Variants in ZNF81 observed in about 807,000 individuals in gnomAD.
The protein encoded by ZNF81 is zinc finger protein 81 (HFZ20).
ZNF81 carries 5 observed loss-of-function variants against 32.3 expected under a neutral mutation model. That is an observed-to-expected ratio of 0.15 (90% CI 0.08 to 0.33). The LOEUF (loss-of-function observed/expected upper bound fraction) is 0.33. Ranked by LOEUF, ZNF81 falls within the 10% of genes least tolerant of loss-of-function variation. ZNF81 has a pLI of 1.00. For missense variants in ZNF81, 379 were observed against 479.8 expected (o/e 0.79, Z 1.96); for synonymous variants, 163 against 166.8 (o/e 0.98, Z 0.17).
At chrX:47,893,690 T>C (rs782588234) in intron 3 of ZNF81, among the ~76,000 whole-genome samples, 39 of 109,167 alleles carry the variant, frequency 3.6e-4, no homozygotes, top group African/African-American at 1.2e-3. Context: ...AACTTTAACC[T>C]ACCTTCTAGC....
intron 2 of ZNF81, among the ~76,000 whole-genome samples, chrX:47,850,922 CACACACACACACAACCCA>C (rs2058493124): frequency 1.0e-5 from 1 of 99,887 alleles, no homozygotes; most frequent in Non-Finnish European, 2.0e-5. Flanking sequence ...CACACACACA[CACACACACACACAACCCA>C]ACACCCCTAT....
intron 2 of ZNF81, among the ~76,000 whole-genome samples, chrX:47,849,393 C>T (rs1449920866): frequency 9.0e-5 from 10 of 111,612 alleles, no homozygotes; most frequent in East Asian, 2.8e-4. Context: ...CACAGCTGGG[C>T]GCGGTGGCTC....
rs1266722600 is a variant in ZNF81 at position 47,925,256 on chromosome X, A to G, written c.*8624A>G. Among the ~76,000 whole-genome samples the G allele has an allele frequency of 4.5e-5, 5 of 111,683 alleles. No homozygotes were observed. Among genetic ancestry groups the G allele is most frequent in the Non-Finnish European group, 3.8e-5 (2 of 53,082 alleles). Reference sequence around the variant, plus strand: ...ACCATCATGACAATACAAATAATGAACATATCAATCACCCCAAAAAAGTTT... The same window carrying G: ...ACCATCATGACAATACAAATAATGAGCATATCAATCACCCCAAAAAAGTTT... On this transcript the variant is annotated 3_prime_UTR_variant, in exon 5 of 5. Coordinates refer to ENST00000338637, the MANE Select transcript of ZNF81 (RefSeq NM_007137.5).
chrX:47,888,220 C>T, intron 3 of ZNF81, 95 bp downstream of exon 3: 4 of 1,087,706 alleles, frequency 3.7e-6, no homozygotes, highest in Non-Finnish European at 5.0e-6. Context: ...ACCCCAGCCC[C>T]CCAGAATGTG....
At chrX:47,904,537 G>T (rs2058712790) in intron 4 of ZNF81, among the ~76,000 whole-genome samples, 1 of 109,100 alleles carries the variant, frequency 9.2e-6, no homozygotes, top group Admixed American at 9.8e-5. Flanking sequence ...CAGTTAGAAT[G>T]GCAATCATTA....
chrX:47,849,626 C>T (rs1272935596), intron 2 of ZNF81, among the ~76,000 whole-genome samples: 1 of 108,032 alleles, frequency 9.3e-6, no homozygotes, highest in East Asian at 2.9e-4. Flanking sequence ...GAGCTAAGAT[C>T]GCGCCACTGC....
chrX:47,854,822 G>A (rs1169678173), intron 2 of ZNF81, among the ~76,000 whole-genome samples: 4 of 111,858 alleles, frequency 3.6e-5, no homozygotes, highest in African/African-American at 6.5e-5. Context: ...TAGGCCGGGC[G>A]CGGCGGCTCA....
chrX:47,888,894 GATCCTTGTT>G (rs2058652665), intron 3 of ZNF81, among the ~76,000 whole-genome samples: 1 of 111,664 alleles, frequency 9.0e-6, no homozygotes, highest in Non-Finnish European at 1.9e-5. Context: ...GAAGAAAAGC[GATCCTTGTT>G]ATAAAGTACC....
intron 2 of ZNF81, chrX:47,861,093 G>C: frequency 8.9e-6 from 1 of 112,015 alleles, no homozygotes; most frequent in South Asian, 3.7e-4. Flanking sequence ...TATTGAACCC[G>C]AGGAGGAGTT....
rs1023644848 is a variant in ZNF81 at position 47,883,604 on chromosome X, C to G, written c.55-4395C>G. ...TTTTTCTATGATTTGTTTTCTATTT[C>G]TGTTCTTTAGTAATTCCTTTCTTTT... On this transcript the variant is annotated intron_variant, in intron 2 of 4. Coordinates refer to ENST00000338637, the MANE Select transcript of ZNF81 (RefSeq NM_007137.5). Among the ~76,000 whole-genome samples the G allele has an allele frequency of 2.7e-5, 3 of 112,044 alleles. No homozygotes were observed. The Admixed American group carries it at 2.8e-4, about 11-fold the overall frequency.
intron 2 of ZNF81, among the ~76,000 whole-genome samples, chrX:47,861,699 A>G (rs1166911672): frequency 1.8e-5 from 2 of 112,210 alleles, no homozygotes; most frequent in Non-Finnish European, 3.8e-5. Flanking sequence ...AGCTGAACAA[A>G]TCCCATAAAC....
chrX:47,910,589 G>A (rs1279720069), intron 4 of ZNF81, among the ~76,000 whole-genome samples: 1 of 112,118 alleles, frequency 8.9e-6, no homozygotes, highest in Non-Finnish European at 1.9e-5. Context: ...GGAAACAACA[G>A]GTGCTGGAGA....
chrX:47,841,303 A>G (rs1156238240), intron 1 of ZNF81: 15 of 632,878 alleles, frequency 2.4e-5, no homozygotes, highest in Middle Eastern at 4.6e-4. Flanking sequence ...ATAAGGTTCC[A>G]CTATATGCAG....
At chrX:47,893,454 T>C (rs1478022572) in intron 3 of ZNF81, among the ~76,000 whole-genome samples, 1 of 111,022 alleles carries the variant, frequency 9.0e-6, no homozygotes, top group Non-Finnish European at 1.9e-5. Flanking sequence ...GTGGAGCATA[T>C]AGCCAGCAGG....
Position 47,868,218 on chromosome X carries a change from T to A in ZNF81, c.55-19781T>A, listed in dbSNP as rs1221563022. The stretch of plus-strand genomic sequence containing the variant: ...ATCCACCTGTGTTTATCTGTCCCAG[T>A]TTATCTCTGGGACTGGAGAGAATCT... On this transcript the variant is annotated intron_variant, in intron 2 of 4. Coordinates refer to ENST00000338637, the MANE Select transcript of ZNF81 (RefSeq NM_007137.5). Among the ~76,000 whole-genome samples, 8 of 112,022 alleles carry A rather than the reference T, an allele frequency of 7.1e-5. No homozygotes were observed. The East Asian group carries it at 1.7e-3, about 24-fold the overall frequency.
At chrX:47,911,011 G>C (rs1472459755) in intron 4 of ZNF81, among the ~76,000 whole-genome samples, 4 of 110,965 alleles carry the variant, frequency 3.6e-5, no homozygotes, top group African/African-American at 1.3e-4. Context: ...AATGGAAGCT[G>C]CAGATTCCAT....
intron 2 of ZNF81, among the ~76,000 whole-genome samples, chrX:47,861,222 C>A (rs943031300): frequency 1.5e-4 from 17 of 111,435 alleles, no homozygotes; most frequent in African/African-American, 5.6e-4. Flanking sequence ...AGTGTCTGTT[C>A]CAACACTGGG....
chrX:47,894,003 C>T (rs1405449187), intron 3 of ZNF81, among the ~76,000 whole-genome samples: 2 of 111,021 alleles, frequency 1.8e-5, no homozygotes, highest in East Asian at 2.8e-4. Flanking sequence ...CCAAAACTGT[C>T]AAAGAAAACC....
rs1359336098 is a variant in ZNF81 at position 47,920,503 on chromosome X, C to T, written c.*3871C>T. On this transcript the variant is annotated 3_prime_UTR_variant, in exon 5 of 5. Transcript: ENST00000338637. ...ATCTGGGCCCAGGATGATTTCCTGCCCTTTTATCATGGGTGGAATTTTTTT... is the reference window on the plus strand; with the variant it reads ...ATCTGGGCCCAGGATGATTTCCTGCTCTTTTATCATGGGTGGAATTTTTTT... 1 of 110,141 alleles carries T rather than the reference C, an allele frequency of 9.1e-6. No individual in the cohort carries two copies. Among genetic ancestry groups the T allele is most frequent in the African/African-American group, 3.3e-5 (1 of 30,181 alleles). The allele number at this position is 110,141 out of a possible 1,213,427, so 9.1% of individuals were successfully genotyped here.
Sources: gnomAD v4.1 joint callset for allele counts (sites outside exome capture counted in the v4.1 genomes callset) on GRCh38, gnomAD v4.1.1 for gene constraint, MANE v1.5 for transcripts, NCBI Gene and HGNC (gene_info 2026-07-23, HGNC 2026-07-21) for gene names.